The following GTF2E2 variants were observed in gnomAD, a reference collection of about 807,000 sequenced individuals.
GTF2E2 encodes transcription initiation factor IIE subunit beta.
A neutral mutation model predicts 40.5 loss-of-function variants in GTF2E2; 21 were observed. That is an observed-to-expected ratio of 0.52 (90% confidence interval 0.37 to 0.75). The LOEUF is 0.75. Among genes scored for constraint, GTF2E2 ranks in the 30% least tolerant of loss-of-function variants. The probability of loss-of-function intolerance (pLI) is 0.00; values close to 1 mark genes in which losing one functional copy is unlikely to be tolerated. For missense variants in GTF2E2, 298 were observed against 338.4 expected (o/e 0.88, Z 0.94); for synonymous variants, 117 against 121.6 (o/e 0.96, Z 0.25).
chr8:30,624,283 GC>G, intron 3 of GTF2E2, among the ~76,000 whole-genome samples: 1 of 152,188 alleles, frequency 6.6e-6, no homozygotes, highest in Non-Finnish European at 1.5e-5. Flanking sequence ...TTTCCTCATT[GC>G]TTGTTTTTGT....
Position 30,580,084 on chromosome 8 carries a change from G to A in GTF2E2, c.759+197C>T, listed in dbSNP as rs1828470712. 2.0e-5 allele frequency among the ~76,000 whole-genome samples: 3 copies of A among 152,164 alleles called. No individual in the cohort carries two copies. The South Asian group carries it at 6.2e-4, about 31-fold the overall frequency. The stretch of plus-strand genomic sequence containing the variant: ...CAGGACTGCTTGGGAGGAGCTGGGT[G>A]TAGAAAGGCACTCACAGGCCTGGAG... On this transcript the variant is annotated intron_variant, in intron 7 of 7. Transcript: ENST00000355904.
intron 6 of GTF2E2, among the ~76,000 whole-genome samples, chr8:30,601,257 C>G (rs1323419128): frequency 6.6e-6 from 1 of 152,192 alleles, no homozygotes; most frequent in Admixed American, 6.5e-5. Flanking sequence ...AGGTCAAGGA[C>G]AGCAACCTCA....
chr8:30,624,962 A>G (rs1274246699), intron 3 of GTF2E2, among the ~76,000 whole-genome samples: 1 of 62,530 alleles, frequency 1.6e-5, no homozygotes, highest in Non-Finnish European at 3.3e-5. Context: ...AAACAGGGAC[A>G]ATTTGACTTC....
chr8:30,636,858 A>C, intron 2 of GTF2E2: 2 of 118,428 alleles, frequency 1.7e-5, no homozygotes, highest in African/African-American at 8.8e-5. Flanking sequence ...TCTCAAAATT[A>C]AAAAAAAAAA....
chr8:30,621,638 TTCTTA>T (rs1801105967), intron 3 of GTF2E2, among the ~76,000 whole-genome samples: 1 of 152,126 alleles, frequency 6.6e-6, no homozygotes, highest in South Asian at 2.1e-4. Context: ...TTGTTTCACT[TTCTTA>T]TTTTTTTATT....
At chr8:30,608,988 A>T (rs1829402872) in intron 5 of GTF2E2, among the ~76,000 whole-genome samples, 1 of 152,158 alleles carries the variant, frequency 6.6e-6, no homozygotes, top group East Asian at 1.9e-4. Flanking sequence ...TGACCTCGTG[A>T]TCCACCCGCC....
At chr8:30,602,760 A>AAG (rs1829218215) in intron 6 of GTF2E2, among the ~76,000 whole-genome samples, 1 of 151,894 alleles carries the variant, frequency 6.6e-6, no homozygotes, top group South Asian at 2.1e-4. Flanking sequence ...GTCTCAAAAA[A>AAG]AAAAAAAAAA....
chr8:30,625,504 C>T (rs1246150397), intron 3 of GTF2E2, among the ~76,000 whole-genome samples: 1 of 152,112 alleles, frequency 6.6e-6, no homozygotes, highest in Non-Finnish European at 1.5e-5. Context: ...CTCACAGTAA[C>T]AGGCAACGAC....
At chr8:30,609,310 T>C (rs1039641913) in intron 5 of GTF2E2, among the ~76,000 whole-genome samples, 1 of 147,104 alleles carries the variant, frequency 6.8e-6, no homozygotes, top group Non-Finnish European at 1.5e-5. Flanking sequence ...AAATACTCAC[T>C]GGAGCATTTT....
chr8:30,605,461 A>G (rs1386100695), intron 6 of GTF2E2, among the ~76,000 whole-genome samples: 1 of 152,192 alleles, frequency 6.6e-6, no homozygotes, highest in Non-Finnish European at 1.5e-5. Context: ...CACAAAAGAA[A>G]GGGACTGCAG....
Position 30,581,777 on chromosome 8 carries a change from G to A in GTF2E2, c.644-1381C>T, listed in dbSNP as rs552105444. On this transcript the variant is annotated intron_variant, in intron 6 of 7. Transcript: ENST00000355904. ...GCCTCTCTAAGCTCCTTGAGAGCAG[G>A]GAGCTCTATTTCCATCTTGTTTCCA... 7.9e-5 allele frequency among the ~76,000 whole-genome samples: 12 copies of A among 152,048 alleles called. No homozygotes were observed. The South Asian group carries it at 8.3e-4, about 10-fold the overall frequency.
chr8:30,647,246 AAT>A (rs1419096935), intron 2 of GTF2E2, among the ~76,000 whole-genome samples: 3 of 152,144 alleles, frequency 2.0e-5, no homozygotes, highest in African/African-American at 7.2e-5. Context: ...GTGTGCAATA[AAT>A]AACTGTGTGG....
chr8:30,618,976 C>A (rs932045687), intron 3 of GTF2E2, among the ~76,000 whole-genome samples: 1 of 152,106 alleles, frequency 6.6e-6, no homozygotes, highest in African/African-American at 2.4e-5. Flanking sequence ...TGTAGTCTCG[C>A]CTTGTCACCG....
rs937314566 is a variant in GTF2E2, at chr8:30,593,888, T to C, written c.643+13169A>G. On this transcript the variant is annotated intron_variant, in intron 6 of 7. Transcript: ENST00000355904. ...CTGATAGTGTTTGCACAGTATATCATTTTACATGCTTTTACTTTTAACCTG... is the reference window on the plus strand; with the variant it reads ...CTGATAGTGTTTGCACAGTATATCACTTTACATGCTTTTACTTTTAACCTG... Among the ~76,000 whole-genome samples, 5 of 152,164 alleles carry C rather than the reference T, an allele frequency of 3.3e-5. 1 individual carries two copies. The South Asian group carries it at 1.0e-3, about 31-fold the overall frequency.
intron 4 of GTF2E2, 127 bp from the exon 5 acceptor site, chr8:30,612,608 C>A: frequency 2.2e-6 from 1 of 449,580 alleles, no homozygotes; most frequent in Non-Finnish European, 3.9e-6. Context: ...CTCACTGCAA[C>A]CTCCGCCTCC....
chr8:30,610,745 C>G (rs1161250013), intron 5 of GTF2E2, among the ~76,000 whole-genome samples: 2 of 152,078 alleles, frequency 1.3e-5, no homozygotes, highest in Admixed American at 1.3e-4. Flanking sequence ...AAACATAGGA[C>G]AAAAGCTTCA....
chr8:30,633,559 G>A (rs1006076945), intron 3 of GTF2E2, among the ~76,000 whole-genome samples: 1 of 152,188 alleles, frequency 6.6e-6, no homozygotes, highest in South Asian at 2.1e-4. Context: ...TTTTCAAACT[G>A]TAGGGAGCAC....
chr8:30,597,802 G>A (rs1829055796), intron 6 of GTF2E2, among the ~76,000 whole-genome samples: 1 of 152,170 alleles, frequency 6.6e-6, no homozygotes, highest in Non-Finnish European at 1.5e-5. Context: ...AACTTTAAAG[G>A]CTGTTTAATG....
intron 3 of GTF2E2, among the ~76,000 whole-genome samples, chr8:30,624,607 T>A (rs1163611423): frequency 6.6e-6 from 1 of 152,084 alleles, no homozygotes; most frequent in Non-Finnish European, 1.5e-5. Flanking sequence ...TTGGGCAGTA[T>A]GGCCATTTTC....
Sources: allele counts gnomAD v4.1 joint callset (sites outside exome capture counted in the v4.1 genomes callset), GRCh38; gene constraint gnomAD v4.1.1; transcripts MANE v1.5; gene names NCBI Gene and HGNC (gene_info 2026-07-23, HGNC 2026-07-21).